Variants in ERICH3 observed in about 807,000 individuals in gnomAD.
ERICH3 encodes glutamate-rich protein 3.
A neutral mutation model predicts 131.1 loss-of-function variants in ERICH3; 126 were observed. The observed-to-expected ratio is 0.96, with a 90% CI of 0.83 to 1.11. ERICH3 has a LOEUF of 1.11. ERICH3 is among the 50% of genes most tolerant of loss of function. The pLI, the probability that ERICH3 is intolerant of heterozygous loss-of-function variation, is 0.00. For synonymous variants in ERICH3, 695 were observed against 644.6 expected, an observed-to-expected ratio of 1.08 and a Z score of -1.18; for missense variants, 2,050 against 1,810.7, an observed-to-expected ratio of 1.13 and a Z score of -2.40.
At chr1:74,650,468 A>G (rs1321268173) in intron 1 of ERICH3, among the ~76,000 whole-genome samples, 1 of 152,120 alleles carries the variant, frequency 6.6e-6, no homozygotes, top group African/African-American at 2.4e-5. Flanking sequence ...ATATACATAG[A>G]TGTTAGTATA....
chr1:74,581,769 G>A (rs978182229), intron 12 of ERICH3, among the ~76,000 whole-genome samples: 3 of 152,198 alleles, frequency 2.0e-5, no homozygotes, highest in South Asian at 2.1e-4. Context: ...ACAAATGAGC[G>A]TTATTCATTT....
intron 1 of ERICH3, among the ~76,000 whole-genome samples, chr1:74,668,909 C>A (rs1336185154): frequency 5.3e-5 from 8 of 152,080 alleles, no homozygotes; most frequent in Non-Finnish European, 1.2e-4. Context: ...TTTGGTGGTG[C>A]AAGTGGGTAA....
intron 8 of ERICH3, among the ~76,000 whole-genome samples, chr1:74,616,697 A>G (rs1648981957): frequency 6.6e-6 from 1 of 152,066 alleles, no homozygotes; most frequent in Admixed American, 6.5e-5. Context: ...TCAAAGATAT[A>G]ATTAGTGAAG....
chr1:74,570,874 G>A (rs1354974729), intron 14 of ERICH3, among the ~76,000 whole-genome samples: 1 of 152,144 alleles, frequency 6.6e-6, no homozygotes, highest in Non-Finnish European at 1.5e-5. Flanking sequence ...GACTGAATAT[G>A]ACTTGCCACA....
Position 74,646,713 on chromosome 1 carries a change from C to G in ERICH3, c.197G>C (p.Arg66Pro). 3 of 1,486,020 alleles carry G rather than the reference C, an allele frequency of 2.0e-6. No homozygotes were observed. Among genetic ancestry groups the G allele is most frequent in the Non-Finnish European group, 2.7e-6 (3 of 1,097,576 alleles). 92.1% of individuals were successfully genotyped at this position (1,486,020 alleles called of 1,614,324 possible). A position where few individuals can be genotyped will look rare whatever the true frequency, so the allele number is the denominator to read the frequency against. Residue 66 changes from arginine to proline, a missense_variant, in exon 3 of 15, where the codon CGG (arginine) becomes CCG (proline). By Grantham distance (103) the Arg-to-Pro change is moderately radical (BLOSUM62 -2). Coordinates refer to ENST00000326665, the MANE Select transcript of ERICH3 (RefSeq NM_001002912.5). ...AAAAATTGCCTGGGCTAAGCATTCCCGGATATATTTTTGATGATCCCGCTT... is the reference window on the plus strand; with the variant it reads ...AAAAATTGCCTGGGCTAAGCATTCCGGGATATATTTTTGATGATCCCGCTT... ...MMKRDHQKYI[R>P]ECLAQAIFHK...
In ERICH3 at chr1:74,620,590, T is replaced by C. The variant is rs1189399676; in HGVS notation, c.1000+144A>G. On this transcript the variant is annotated intron_variant, in intron 8 of 14. Coordinates refer to ENST00000326665, the MANE Select transcript of ERICH3 (RefSeq NM_001002912.5). ...TCAATCATAGAGCAGTAAATCTAGA[T>C]TTACTTTTAGGCAGCTGGTTTATAA... 2.5e-5 allele frequency: 16 copies of C among 634,394 alleles called. No homozygotes were observed. The East Asian group carries it at 5.0e-4, about 20-fold the overall frequency. The allele number at this position is 634,394 out of a possible 1,614,324, so 39.3% of individuals were successfully genotyped here. A position where few individuals can be genotyped will look rare whatever the true frequency, so the allele number is the denominator to read the frequency against.
Position 74,571,195 on chromosome 1 carries a change from T to G in ERICH3, c.4515A>C (p.Glu1505Asp). ...CCATATGCTGTTGCTTCTCTCGGGT[T>G]TCAGTGAAATCAGGCTTCACTGGAA... ...ATLPVKPDFTETREKQQHMVQ... is the reference protein window; with the variant it reads ...ATLPVKPDFTDTREKQQHMVQ... Residue 1505 changes from glutamate (E) to aspartate (D), a missense_variant, in exon 14 of 15, where the codon GAA becomes GAC. By Grantham distance (45) the Glu-to-Asp change is conservative. Transcript: ENST00000326665. The G allele has an allele frequency of 6.2e-7, 1 of 1,614,130 alleles. No individual in the cohort carries two copies. Among genetic ancestry groups the G allele is most frequent in the Non-Finnish European group, 8.5e-7 (1 of 1,180,012 alleles).
chr1:74,598,510 T>TA (rs1156601547), intron 11 of ERICH3, among the ~76,000 whole-genome samples: 21 of 150,538 alleles, frequency 1.4e-4, no homozygotes, highest in African/African-American at 2.7e-4. Context: ...ATTAATGAAG[T>TA]AAAAAAAAAT....
chr1:74,637,826 C>T (rs1254172369), intron 5 of ERICH3, among the ~76,000 whole-genome samples: 1 of 151,850 alleles, frequency 6.6e-6, no homozygotes, highest in Non-Finnish European at 1.5e-5. Flanking sequence ...TGGGAGGTCA[C>T]CTGAGCCCAG....
chr1:74,611,590 A>G (rs1648698455), intron 9 of ERICH3, among the ~76,000 whole-genome samples: 1 of 152,166 alleles, frequency 6.6e-6, no homozygotes, highest in African/African-American at 2.4e-5. Context: ...TACATGGCTT[A>G]GCCTCATGGT....
intron 1 of ERICH3, among the ~76,000 whole-genome samples, chr1:74,671,246 T>G (rs938325170): frequency 1.1e-4 from 17 of 150,060 alleles, no homozygotes; most frequent in African/African-American, 3.9e-4. Context: ...TTATCAGTAG[T>G]TCTGCTTTTG....
Position 74,631,869 on chromosome 1 carries a change from T to C in ERICH3, c.663A>G (p.Ser221=), listed in dbSNP as rs1264654440. The change falls in exon 7 of 15, where the codon TCA becomes TCG. Residue 221 remains serine (S), a synonymous_variant. Transcript: ENST00000326665. The part of the protein sequence containing the change: ...NSIGNSQRMN[S]YQLPNINSYM... ...AACTGTTAATGTTTGGAAGTTGATA[T>C]GAATTCATTCTCTGTGAATTGCCTA... 1.2e-6 allele frequency: 2 copies of C among 1,613,560 alleles called. No homozygotes were observed. The highest frequency in any genetic ancestry group is 1.7e-5 in the Admixed American group (1 of 59,962).
At chr1:74,649,194 G>A (rs369792932) in intron 2 of ERICH3, 28 bp downstream of exon 2, 3 of 1,488,254 alleles carry the variant, frequency 2.0e-6, no homozygotes, top group African/African-American at 1.4e-5. Context: ...GAAACAAGAA[G>A]GTCAGTGGAA....
At chr1:74,580,477 GC>G (rs768843012) in intron 12 of ERICH3, among the ~76,000 whole-genome samples, 4 of 152,138 alleles carry the variant, frequency 2.6e-5, no homozygotes, top group Non-Finnish European at 5.9e-5. Context: ...ATTTTTAGAA[GC>G]TTTTTATACA....
intron 1 of ERICH3, among the ~76,000 whole-genome samples, chr1:74,666,423 T>C (rs1646693573): frequency 6.6e-6 from 1 of 152,140 alleles, no homozygotes; most frequent in East Asian, 1.9e-4. Flanking sequence ...AAAAAATTTT[T>C]AATCCTAATA....
intron 1 of ERICH3, among the ~76,000 whole-genome samples, chr1:74,667,736 T>G (rs1462548030): frequency 6.6e-6 from 1 of 152,186 alleles, no homozygotes; most frequent in African/African-American, 2.4e-5. Flanking sequence ...TAGTTAGAGA[T>G]GCTTTTTCTC....
chr1:74,650,410 C>T (rs906037644), intron 1 of ERICH3, among the ~76,000 whole-genome samples: 3 of 152,130 alleles, frequency 2.0e-5, no homozygotes, highest in East Asian at 1.9e-4. Context: ...CATGCACGCA[C>T]ATATGTATGT....
intron 1 of ERICH3, among the ~76,000 whole-genome samples, chr1:74,655,727 C>T (rs1646577850): frequency 6.6e-6 from 1 of 152,100 alleles, no homozygotes; most frequent in African/African-American, 2.4e-5. Context: ...CTTTGAGGGC[C>T]ATTCTTCTAT....
At chr1:74,587,324 CAAA>C (rs11330631) in intron 12 of ERICH3, among the ~76,000 whole-genome samples, 35 of 56,250 alleles carry the variant, frequency 6.2e-4, no homozygotes, top group Admixed American at 1.8e-3. Flanking sequence ...GACTCCATCT[CAAA>C]AAAAAAAAAA....
Sources: gnomAD v4.1 joint callset for allele counts (sites outside exome capture counted in the v4.1 genomes callset) on GRCh38, gnomAD v4.1.1 for gene constraint, MANE v1.5 for transcripts, NCBI Gene and HGNC (gene_info 2026-07-23, HGNC 2026-07-21) for gene names.